The following IL1RAPL1 variants were observed in gnomAD, a reference collection of about 807,000 sequenced individuals.
IL1RAPL1 encodes interleukin 1 receptor accessory protein like 1, also known as interleukin-1 receptor accessory protein-like 1.
In IL1RAPL1, 3 loss-of-function variants were observed where a neutral mutation model predicts 48.4. That is an observed-to-expected ratio of 0.06 (90% confidence interval 0.03 to 0.16). The LOEUF is 0.16. Among genes scored for constraint, IL1RAPL1 ranks in the 10% least tolerant of loss-of-function variants. IL1RAPL1 has a pLI of 1.00. For missense variants in IL1RAPL1, 349 were observed against 530.6 expected (o/e 0.66, Z 3.36); for synonymous variants, 185 against 187.7 (o/e 0.99, Z 0.12).
rs757109775 is a variant in IL1RAPL1 at position 29,146,989 on chromosome X, A to G, written c.83-135949A>G. Among the ~76,000 whole-genome samples, 90 of 112,089 alleles carry G rather than the reference A, an allele frequency of 8.0e-4. 1 individual carries two copies. Among genetic ancestry groups the G allele is most frequent in the Middle Eastern group, 4.6e-3 (1 of 219 alleles). On this transcript the variant is annotated intron_variant, in intron 2 of 10. Transcript: ENST00000378993. ...ACTTGAGATCTTAATTATAAAATAA[A>G]CTCAGATTTCTATTTCCAGTTCAGA...
At chrX:29,485,735 T>C (rs1935088175) in intron 5 of IL1RAPL1, among the ~76,000 whole-genome samples, 2 of 111,751 alleles carry the variant, frequency 1.8e-5, no homozygotes, top group Admixed American at 9.5e-5. Context: ...TTTTTGTGGT[T>C]AGTGTCTGTT....
chrX:29,010,629 A>T (rs1186995378), intron 2 of IL1RAPL1, among the ~76,000 whole-genome samples: 2 of 112,106 alleles, frequency 1.8e-5, no homozygotes, highest in African/African-American at 6.5e-5. Flanking sequence ...TTAGTGATTG[A>T]TGTAATCTCT....
intron 2 of IL1RAPL1, among the ~76,000 whole-genome samples, chrX:29,180,888 T>C (rs1364065528): frequency 8.9e-6 from 1 of 111,865 alleles, no homozygotes; most frequent in Non-Finnish European, 1.9e-5. Context: ...GTGTGTGCAA[T>C]ACATGCTCAA....
chrX:28,800,845 G>T (rs1040456964), intron 2 of IL1RAPL1, among the ~76,000 whole-genome samples: 1 of 93,633 alleles, frequency 1.1e-5, no homozygotes, highest in Non-Finnish European at 2.1e-5. Context: ...ATATTAAAGG[G>T]ATTTTATTTA....
chrX:29,052,833 G>A (rs903769204), intron 2 of IL1RAPL1, among the ~76,000 whole-genome samples: 8 of 110,764 alleles, frequency 7.2e-5, no homozygotes, highest in South Asian at 7.7e-4. Context: ...CACCACGCCC[G>A]GCTAATTTTT....
At position 29,487,745 on chromosome X, in the gene IL1RAPL1, A is replaced by G. The variant is rs770026629; in HGVS notation, c.703+88437A>G. Among the ~76,000 whole-genome samples the G allele has an allele frequency of 1.3e-4, 15 of 111,876 alleles. No individual in the cohort carries two copies. The South Asian group carries it at 4.9e-3, about 36-fold the overall frequency. ...GAGAAAATCCAATCTATTCAGCCTA[A>G]TGGTTTGCTACAGTAGTTGAAAAAG... On this transcript the variant is annotated intron_variant, in intron 5 of 10. Transcript: ENST00000378993.
chrX:28,906,973 A>G (rs1043724029), intron 2 of IL1RAPL1, among the ~76,000 whole-genome samples: 9 of 112,187 alleles, frequency 8.0e-5, no homozygotes, highest in African/African-American at 2.9e-4. Flanking sequence ...TATGTGGGAA[A>G]CATGAATCTT....
intron 2 of IL1RAPL1, among the ~76,000 whole-genome samples, chrX:28,907,030 GT>G (rs1031556465): frequency 3.7e-4 from 40 of 106,850 alleles, no homozygotes; most frequent in African/African-American, 1.0e-3. Flanking sequence ...AAGTAACCAG[GT>G]TTTTTTTTTA....
chrX:29,791,253 C>T (rs770906868), intron 6 of IL1RAPL1, among the ~76,000 whole-genome samples: 27 of 110,792 alleles, frequency 2.4e-4, no homozygotes, highest in African/African-American at 8.5e-4. Context: ...AAAAGAGCTC[C>T]TATCTGACTC....
intron 2 of IL1RAPL1, among the ~76,000 whole-genome samples, chrX:29,025,827 A>G: frequency 9.0e-6 from 1 of 111,685 alleles, no homozygotes; most frequent in East Asian, 2.8e-4. Context: ...ATGGAATAAT[A>G]GCGATGTGTT....
At chrX:29,177,900 A>G (rs1490756109) in intron 2 of IL1RAPL1, among the ~76,000 whole-genome samples, 2 of 111,741 alleles carry the variant, frequency 1.8e-5, no homozygotes, top group Admixed American at 9.5e-5. Flanking sequence ...AGCTTCATCT[A>G]TGTCCCTGCA....
intron 2 of IL1RAPL1, among the ~76,000 whole-genome samples, chrX:29,058,169 A>T: frequency 1.8e-5 from 2 of 110,371 alleles, no homozygotes; most frequent in Admixed American, 1.9e-4. Context: ...AAGTCAGGAG[A>T]TCGAGACCAT....
intron 5 of IL1RAPL1, among the ~76,000 whole-genome samples, chrX:29,486,987 T>C (rs1174843637): frequency 9.0e-6 from 1 of 111,337 alleles, no homozygotes; most frequent in Non-Finnish European, 1.9e-5. Flanking sequence ...ACAGTCTGCC[T>C]TTCCAACAAG....
intron 6 of IL1RAPL1, among the ~76,000 whole-genome samples, chrX:29,867,924 AC>A (rs774377625): frequency 9.8e-5 from 11 of 112,214 alleles, no homozygotes; most frequent in Middle Eastern, 9.3e-3. Flanking sequence ...TGTTTGAGAA[AC>A]TGAATACCTA....
chrX:29,710,208 G>A (rs962319789), intron 6 of IL1RAPL1, among the ~76,000 whole-genome samples: 2 of 111,345 alleles, frequency 1.8e-5, no homozygotes, highest in Admixed American at 9.6e-5. Context: ...TTACATACAA[G>A]TAGCAAGAGT....
chrX:28,779,862 G>A (rs1040592445), intron 1 of IL1RAPL1, among the ~76,000 whole-genome samples: 3 of 107,696 alleles, frequency 2.8e-5, no homozygotes, highest in African/African-American at 1.0e-4. Context: ...GATATAAAAT[G>A]AACTTTTGTC....
At chrX:29,768,556 T>C (rs1928969683) in intron 6 of IL1RAPL1, among the ~76,000 whole-genome samples, 1 of 111,880 alleles carries the variant, frequency 8.9e-6, no homozygotes, top group Non-Finnish European at 1.9e-5. Context: ...AAACAACTGG[T>C]GAGTTTTTAA....
intron 1 of IL1RAPL1, among the ~76,000 whole-genome samples, chrX:28,726,924 T>G (rs1935683600): frequency 8.9e-6 from 1 of 112,161 alleles, no homozygotes. Flanking sequence ...TGCATCTGGC[T>G]CAACTCCTTT....
rs1934435352 is a variant in IL1RAPL1, at chrX:29,432,673, G to T, written c.703+33365G>T. On this transcript the variant is annotated intron_variant, in intron 5 of 10. Transcript: ENST00000378993. The stretch of plus-strand genomic sequence containing the variant: ...CTCCAAGTTTACTGTGCAGAGTAAA[G>T]GAATAGATAAGTGGAGAGATTTTTT... Among the ~76,000 whole-genome samples the T allele has an allele frequency of 3.6e-5, 4 of 111,538 alleles. No individual in the cohort carries two copies. The Admixed American group carries it at 3.8e-4, about 11-fold the overall frequency.
Sources: allele counts gnomAD v4.1 joint callset (sites outside exome capture counted in the v4.1 genomes callset), GRCh38; gene constraint gnomAD v4.1.1; transcripts MANE v1.5; gene names NCBI Gene and HGNC (gene_info 2026-07-23, HGNC 2026-07-21).